The following SEMA3A variants were observed in gnomAD, a reference collection of about 807,000 sequenced individuals.
SEMA3A encodes the protein semaphorin 3A.
In SEMA3A, 29 loss-of-function variants were observed where a neutral mutation model predicts 97.9. The ratio of observed to expected loss-of-function variants is 0.30; its 90% CI spans 0.22 to 0.40. SEMA3A has a LOEUF of 0.40. Ranked by LOEUF, SEMA3A falls within the 10% of genes least tolerant of loss-of-function variation. The probability of loss-of-function intolerance (pLI) is 1.00; values close to 1 mark genes in which losing one functional copy is unlikely to be tolerated. For synonymous variants in SEMA3A, 321 were observed against 323.7 expected, an observed-to-expected ratio of 0.99 and a Z score of 0.09; for missense variants, 763 against 951.3, an observed-to-expected ratio of 0.80 and a Z score of 2.60.
At chr7:84,094,838 C>T (rs1354782289) in intron 4 of SEMA3A, among the ~76,000 whole-genome samples, 1 of 151,968 alleles carries the variant, frequency 6.6e-6, no homozygotes, top group Non-Finnish European at 1.5e-5. Context: ...GTAAATACAT[C>T]TGTATATAGA....
intron 3 of SEMA3A, among the ~76,000 whole-genome samples, chr7:84,111,578 C>T (rs1295811787): frequency 6.6e-6 from 1 of 152,092 alleles, no homozygotes; most frequent in Non-Finnish European, 1.5e-5. Flanking sequence ...ACTTATTTTT[C>T]TAGGATGAAA....
At chr7:84,179,255 C>G (rs1797663208) in intron 1 of SEMA3A, among the ~76,000 whole-genome samples, 1 of 152,124 alleles carries the variant, frequency 6.6e-6, no homozygotes, top group Non-Finnish European at 1.5e-5. Flanking sequence ...TACACAGTCT[C>G]TGATCACTGA....
intron 4 of SEMA3A, among the ~76,000 whole-genome samples, chr7:84,094,711 A>G (rs1794702879): frequency 6.6e-6 from 1 of 152,132 alleles, no homozygotes; most frequent in African/African-American, 2.4e-5. Context: ...TAACAACTAA[A>G]ACACACTTTG....
chr7:84,264,704 G>A (rs1038382356), intron 3 of SEMA3A, among the ~76,000 whole-genome samples: 13 of 152,238 alleles, frequency 8.5e-5, no homozygotes, highest in Admixed American at 3.9e-4. Flanking sequence ...TGGGTAGGGC[G>A]AGGGTTTGGA....
intron 3 of SEMA3A, among the ~76,000 whole-genome samples, chr7:84,216,837 T>C (rs1335829160): frequency 1.3e-5 from 2 of 152,150 alleles, no homozygotes; most frequent in Non-Finnish European, 2.9e-5. Context: ...CAGAGGCTTT[T>C]AGGTCATCAC....
At chr7:84,197,105 G>A (rs928314249), upstream of SEMA3A, among the ~76,000 whole-genome samples, 8 of 152,128 alleles carry the variant, frequency 5.3e-5, no homozygotes, top group South Asian at 2.1e-4. Flanking sequence ...ACAAAATCAG[G>A]ACAAAGTTAT....
At chr7:84,357,989 TTTC>T (rs1370560473) in intron 2 of SEMA3A, among the ~76,000 whole-genome samples, 8 of 152,180 alleles carry the variant, frequency 5.3e-5, no homozygotes, top group African/African-American at 1.9e-4. Flanking sequence ...GGTTGTTTGT[TTTC>T]TTCTTGTAAA....
At chr7:84,160,480 C>T (rs891502580) in intron 1 of SEMA3A, among the ~76,000 whole-genome samples, 5 of 151,910 alleles carry the variant, frequency 3.3e-5, no homozygotes, top group Non-Finnish European at 7.4e-5. Context: ...ACCCAAGAAG[C>T]GGAGGTTGCA....
chr7:84,032,651 T>C (rs936175840), intron 6 of SEMA3A, among the ~76,000 whole-genome samples: 2 of 152,154 alleles, frequency 1.3e-5, no homozygotes, highest in African/African-American at 4.8e-5. Flanking sequence ...ACATTCTGTT[T>C]AATCTGAAAG....
At chr7:84,381,320 A>C (rs1041169236) in intron 1 of SEMA3A, among the ~76,000 whole-genome samples, 6 of 152,106 alleles carry the variant, frequency 3.9e-5, no homozygotes, top group Non-Finnish European at 8.8e-5. Flanking sequence ...ATTTAAGCTC[A>C]TTTTCATAAA....
At chr7:84,406,322 ACATACACC>A (rs1286112920) in intron 1 of SEMA3A, among the ~76,000 whole-genome samples, 6 of 152,204 alleles carry the variant, frequency 3.9e-5, no homozygotes, top group Non-Finnish European at 8.8e-5. Flanking sequence ...ATTCCTTGAC[ACATACACC>A]CTCCCAAGAC....
intron 6 of SEMA3A, among the ~76,000 whole-genome samples, chr7:84,045,726 A>C (rs995087922): frequency 5.9e-5 from 9 of 151,936 alleles, no homozygotes; most frequent in Admixed American, 3.9e-4. Flanking sequence ...CCTGAAGTTC[A>C]GAAAACTGGG....
chr7:84,327,632 A>C (rs1801803546), intron 2 of SEMA3A, among the ~76,000 whole-genome samples: 1 of 152,020 alleles, frequency 6.6e-6, no homozygotes, highest in Admixed American at 6.6e-5. Flanking sequence ...AAAATCTATA[A>C]AATTATGAAT....
At chr7:84,406,634 T>C (rs906514875) in intron 1 of SEMA3A, among the ~76,000 whole-genome samples, 10 of 152,138 alleles carry the variant, frequency 6.6e-5, no homozygotes, top group Non-Finnish European at 1.2e-4. Flanking sequence ...TTGATGAACA[T>C]TGATGCAAAA....
intron 1 of SEMA3A, among the ~76,000 whole-genome samples, chr7:84,397,554 T>C (rs191534828): frequency 2.4e-3 from 368 of 150,826 alleles, no homozygotes; most frequent in Non-Finnish European, 3.6e-3. Context: ...GTGCATAGTA[T>C]AATTTTTTTA....
rs35685378 is a variant in SEMA3A, at chr7:83,960,824, G to GTT, written c.*545_*546dup. ...TTCTTCTGGATGATGGATGGCTTATGTTTTTTTTTTTTTTTAATATTTCCA... is the reference window on the plus strand; with the variant it reads ...TTCTTCTGGATGATGGATGGCTTATGTTTTTTTTTTTTTTTTTAATATTTCCA... On this transcript the variant is annotated 3_prime_UTR_variant, in exon 17 of 17. Coordinates refer to ENST00000265362, the MANE Select transcript of SEMA3A (RefSeq NM_006080.3). 1.8e-3 allele frequency: 259 copies of GTT among 143,206 alleles called. 1 individual carries two copies. The highest frequency in any genetic ancestry group is 0.011 in the Middle Eastern group (3 of 274). The allele number at this position is 143,206 out of a possible 1,614,324, so 8.9% of individuals were successfully genotyped here. A position where few individuals can be genotyped will look rare whatever the true frequency, so the allele number is the denominator to read the frequency against.
At chr7:84,364,507 T>A (rs1391960337) in intron 2 of SEMA3A, among the ~76,000 whole-genome samples, 2 of 151,786 alleles carry the variant, frequency 1.3e-5, no homozygotes, top group Admixed American at 1.3e-4. Context: ...TTTGAATTTT[T>A]ACATTTAATT....
intron 3 of SEMA3A, among the ~76,000 whole-genome samples, chr7:84,265,668 G>C (rs917985542): frequency 2.0e-5 from 3 of 151,414 alleles, no homozygotes; most frequent in African/African-American, 7.3e-5. Context: ...TACCATGCCT[G>C]CCTGAAAATG....
intron 13 of SEMA3A, among the ~76,000 whole-genome samples, chr7:83,984,424 T>A (rs887742157): frequency 6.6e-6 from 1 of 152,092 alleles, no homozygotes; most frequent in African/African-American, 2.4e-5. Flanking sequence ...AGGAAAAGGA[T>A]ATACACTGAA....
Sources: allele counts gnomAD v4.1 joint callset (sites outside exome capture counted in the v4.1 genomes callset), GRCh38; gene constraint gnomAD v4.1.1; transcripts MANE v1.5; gene names NCBI Gene and HGNC (gene_info 2026-07-23, HGNC 2026-07-21).